Variants in DEPDC5 observed in about 807,000 individuals in gnomAD.
DEPDC5 encodes the protein GATOR1 complex protein DEPDC5.
Under a neutral mutation model 217.3 loss-of-function variants are expected in DEPDC5, and 73 were observed. The ratio of observed to expected loss-of-function variants is 0.34; its 90% CI spans 0.28 to 0.41. The LOEUF (loss-of-function observed/expected upper bound fraction) is 0.41, where lower values mean the gene tolerates loss of function less well. Among genes scored for constraint, DEPDC5 ranks in the 10% least tolerant of loss-of-function variants. The pLI, the probability that DEPDC5 is intolerant of heterozygous loss-of-function variation, is 1.00. For missense variants in DEPDC5, 1,675 were observed against 2,070.1 expected (o/e 0.81, Z 3.70); for synonymous variants, 733 against 756.7 (o/e 0.97, Z 0.51).
At chr22:31,846,596 A>G (rs776261391) in intron 30 of DEPDC5, among the ~76,000 whole-genome samples, 9 of 152,088 alleles carry the variant, frequency 5.9e-5, no homozygotes, top group Non-Finnish European at 1.3e-4. Flanking sequence ...TACATCATAG[A>G]TCTGTGGTGA....
rs1468004105 is a variant in DEPDC5 at position 31,804,110 on chromosome 22, CTTGTCTCTGCCA to C, written c.1082-49_1082-38del. Reference sequence around the variant, plus strand: ...ATAACATGATTTATAGATAGGGACACTTGTCTCTGCCATTCCCTCCCCACAATTCTTTTTGTC... The same window carrying C: ...ATAACATGATTTATAGATAGGGACACTTCCCTCCCCACAATTCTTTTTGTC... On this transcript the variant is annotated intron_variant, in intron 15 of 42. Transcript: ENST00000651528. The C allele has an allele frequency of 1.9e-6, 3 of 1,571,346 alleles. No homozygotes were observed. The African/African-American group carries it at 4.0e-5, about 21-fold the overall frequency.
Position 31,810,632 on chromosome 22 carries a change from C to T in DEPDC5, c.1436C>T (p.Thr479Ile), listed in dbSNP as rs1602054541. ...GGCCCATCCCGGGCCCAGTGCCTCA[C>T]CACCTGCAGGTTTTCTGCCAGATTC... is the stretch of plus-strand genomic sequence containing the variant. Reference protein sequence around the residue: ...LPGPSRAQCLTTCRSVRERES... With the variant: ...LPGPSRAQCLITCRSVRERES... Residue 479 changes from threonine to isoleucine, a missense_variant, in exon 20 of 43, where the codon ACC (threonine) becomes ATC (isoleucine). By Grantham distance (89) the Thr-to-Ile change is moderately conservative (BLOSUM62 -1). Coordinates refer to ENST00000651528, the MANE Select transcript of DEPDC5 (RefSeq NM_001242896.3). The T allele has an allele frequency of 6.2e-7, 1 of 1,614,180 alleles. No individual in the cohort carries two copies. Among genetic ancestry groups the T allele is most frequent in the Non-Finnish European group, 8.5e-7 (1 of 1,180,036 alleles).
At chr22:31,881,576 A>G (rs2093177209) in intron 38 of DEPDC5, among the ~76,000 whole-genome samples, 1 of 152,152 alleles carries the variant, frequency 6.6e-6, no homozygotes, top group Non-Finnish European at 1.5e-5. Flanking sequence ...CTAGAGCACT[A>G]CCAGGGCTTG....
At chr22:31,780,112 TAG>T (rs71672608) in intron 8 of DEPDC5, among the ~76,000 whole-genome samples, 15,243 of 152,134 alleles carry the variant, frequency 0.1, 831 homozygotes, top group Admixed American at 0.14. Context: ...GGCTCTGGTA[TAG>T]AGAGTTATTT....
In DEPDC5 at chr22:31,823,553, AAG is replaced by A. The variant is rs1011430437; in HGVS notation, c.2104+767_2104+768del. ...ATCTCAAAAAAAAAAAAAAAAAAAA[AAG>A]AGAAGTGAGCACGCACCAAAGACTT... On this transcript the variant is annotated intron_variant, in intron 24 of 42. Transcript: ENST00000651528. 3.4e-4 allele frequency among the ~76,000 whole-genome samples: 51 copies of A among 150,936 alleles called. No homozygotes were observed. The South Asian group carries it at 0.01, about 30-fold the overall frequency.
chr22:31,813,699 A>G (rs978635932), intron 20 of DEPDC5, among the ~76,000 whole-genome samples: 44 of 148,908 alleles, frequency 3.0e-4, no homozygotes, highest in African/African-American at 1.1e-3. Context: ...ATATATATAT[A>G]TGCATATATA....
chr22:31,846,068 G>A (rs2091718105), intron 30 of DEPDC5, among the ~76,000 whole-genome samples: 1 of 151,950 alleles, frequency 6.6e-6, no homozygotes, highest in Admixed American at 6.6e-5. Flanking sequence ...TCAAATTCCT[G>A]GACTAAAGTG....
chr22:31,907,034 TCC>T lies in DEPDC5; in HGVS notation c.*540_*541del. On this transcript the variant is annotated 3_prime_UTR_variant, in exon 43 of 43. Transcript: ENST00000651528. ...TGCATCATTTCTTTCCCCACCCAGT[TCC>T]CCACAGAAGCAGTCCCATCCTGGGC... 6.3e-6 allele frequency: 1 copy of T among 158,382 alleles called. No individual in the cohort carries two copies. The highest frequency in any genetic ancestry group is 6.0e-5 in the Admixed American group (1 of 16,696). 9.8% of individuals were successfully genotyped at this position (158,382 alleles called of 1,614,324 possible).
chr22:31,902,350 T>C (rs1249920836), intron 41 of DEPDC5, among the ~76,000 whole-genome samples: 2 of 150,044 alleles, frequency 1.3e-5, no homozygotes, highest in African/African-American at 4.9e-5. Context: ...CAAAGCCCCT[T>C]GTTCTTGCTT....
chr22:31,853,006 T>TGAGA (rs2149083862), intron 31 of DEPDC5: 1 of 152,326 alleles, frequency 6.6e-6, no homozygotes, highest in South Asian at 2.1e-4. Flanking sequence ...AGGGGACAGA[T>TGAGA]GAGAGAAAGA....
intron 31 of DEPDC5, among the ~76,000 whole-genome samples, chr22:31,847,940 C>A (rs1042474782): frequency 6.6e-6 from 1 of 152,212 alleles, no homozygotes; most frequent in African/African-American, 2.4e-5. Flanking sequence ...TTCCTTGATA[C>A]AATGGGGTAT....
intron 31 of DEPDC5, among the ~76,000 whole-genome samples, chr22:31,847,472 G>A (rs902948555): frequency 6.6e-6 from 1 of 152,164 alleles, no homozygotes; most frequent in African/African-American, 2.4e-5. Context: ...CAGTTCTGCA[G>A]GGCTGGGGAG....
intron 37 of DEPDC5, among the ~76,000 whole-genome samples, chr22:31,877,763 A>C (rs1010301079): frequency 6.6e-5 from 10 of 150,714 alleles, no homozygotes; most frequent in Admixed American, 4.6e-4. Context: ...AAAAAAAAAA[A>C]AAAAAAAAAA....
At chr22:31,774,010 G>A (rs930914120) in intron 7 of DEPDC5, among the ~76,000 whole-genome samples, 1 of 152,090 alleles carries the variant, frequency 6.6e-6, no homozygotes, top group Non-Finnish European at 1.5e-5. Context: ...GGCAGAGGTT[G>A]TGGTGAGCCG....
intron 38 of DEPDC5, among the ~76,000 whole-genome samples, chr22:31,887,678 T>C (rs1235016116): frequency 6.6e-6 from 1 of 152,164 alleles, no homozygotes; most frequent in Non-Finnish European, 1.5e-5. Context: ...CATCAGCCTC[T>C]TGCCCATCCG....
Position 31,843,171 on chromosome 22 carries a change from G to C in DEPDC5, c.2592G>C (p.Thr864=). The C allele has an allele frequency of 1.2e-6, 2 of 1,614,150 alleles. No homozygotes were observed. The highest frequency in any genetic ancestry group is 1.7e-6 in the Non-Finnish European group (2 of 1,180,032). Residue 864 remains threonine, a synonymous_variant, in exon 28 of 43, where the codon ACG becomes ACC. Coordinates refer to ENST00000651528, the MANE Select transcript of DEPDC5 (RefSeq NM_001242896.3). ...LSMGRTFHKV[T]LKDKMITVTR... is the part of the protein sequence containing the mutation. ...TGGGCAGAACGTTCCACAAAGTGAC[G>C]CTGAAGGATAAGATGATCACAGTGA... is the stretch of plus-strand genomic sequence containing the variant.
intron 27 of DEPDC5, among the ~76,000 whole-genome samples, chr22:31,842,590 A>G (rs2091463694): frequency 6.6e-6 from 1 of 151,856 alleles, no homozygotes; most frequent in East Asian, 1.9e-4. Context: ...AAAAAAAAAA[A>G]AAAAGAAACA....
intron 21 of DEPDC5, among the ~76,000 whole-genome samples, chr22:31,818,131 C>A (rs1215031852): frequency 6.6e-6 from 1 of 152,064 alleles, no homozygotes; most frequent in Non-Finnish European, 1.5e-5. Flanking sequence ...GATTTCAGTT[C>A]TTTGATCCAC....
chr22:31,755,013 G>A (rs1456316764), intron 2 of DEPDC5, 34 bp downstream of exon 2: 15 of 1,613,476 alleles, frequency 9.3e-6, no homozygotes, highest in Non-Finnish European at 1.3e-5. Flanking sequence ...GGTTTTGTAA[G>A]TTGGCTGAGG....
Sources: allele counts gnomAD v4.1 joint callset (sites outside exome capture counted in the v4.1 genomes callset), GRCh38; gene constraint gnomAD v4.1.1; transcripts MANE v1.5; gene names NCBI Gene and HGNC (gene_info 2026-07-23, HGNC 2026-07-21).